The following EEF1AKMT4 variants were observed in gnomAD, a reference collection of about 807,000 sequenced individuals.
EEF1AKMT4 encodes EEF1A lysine methyltransferase 4.
A neutral mutation model predicts 23.0 loss-of-function variants in EEF1AKMT4; 17 were observed. The observed-to-expected ratio is 0.74, with a 90% confidence interval of 0.51 to 1.11. The LOEUF (loss-of-function observed/expected upper bound fraction) is 1.11, where lower values mean the gene tolerates loss of function less well. Among genes scored for constraint, EEF1AKMT4 ranks in the 50% least tolerant of loss-of-function variants. EEF1AKMT4 has a pLI of 0.00. For synonymous variants in EEF1AKMT4, 140 were observed against 141.4 expected, an observed-to-expected ratio of 0.99 and a Z score of 0.07; for missense variants, 318 against 333.4, an observed-to-expected ratio of 0.95 and a Z score of 0.36.
intron 1 of EEF1AKMT4, among the ~76,000 whole-genome samples, chr3:184,254,487 A>C (rs934176980): frequency 6.6e-6 from 1 of 151,136 alleles, no homozygotes; most frequent in Non-Finnish European, 1.5e-5. Context: ...GGCAGATCAC[A>C]AGGTCAGGAG....
intron 1 of EEF1AKMT4, among the ~76,000 whole-genome samples, chr3:184,251,617 C>T (rs940781730): frequency 1.3e-5 from 2 of 152,112 alleles, no homozygotes; most frequent in African/African-American, 2.4e-5. Context: ...GCAGGAGGAT[C>T]GTTTGAGCCA....
chr3:184,254,107 C>T (rs1372476360), intron 1 of EEF1AKMT4, among the ~76,000 whole-genome samples: 1 of 152,072 alleles, frequency 6.6e-6, no homozygotes, highest in Non-Finnish European at 1.5e-5. Flanking sequence ...GGCAGTTTAT[C>T]CAGGACTGTT....
intron 1 of EEF1AKMT4, among the ~76,000 whole-genome samples, chr3:184,252,946 CAAAAAAAAAAA>C (rs563455729): frequency 3.7e-4 from 17 of 45,402 alleles, no homozygotes; most frequent in Non-Finnish European, 6.3e-4. Context: ...AACTCCATCT[CAAAAAAAAAAA>C]AAAAAAAAAA....
intron 1 of EEF1AKMT4, among the ~76,000 whole-genome samples, chr3:184,255,253 T>G (rs930086290): frequency 2.6e-5 from 4 of 152,192 alleles, no homozygotes; most frequent in Admixed American, 1.3e-4. Flanking sequence ...CTGCCACCCT[T>G]ACCCCCATCC....
chr3:184,258,686 G>A lies in EEF1AKMT4; in HGVS notation c.*111G>A. 1 of 1,481,244 alleles carries A rather than the reference G, an allele frequency of 6.8e-7. No individual in the cohort carries two copies. Among genetic ancestry groups the A allele is most frequent in the Non-Finnish European group, 8.9e-7 (1 of 1,120,762 alleles). 91.8% of individuals were successfully genotyped at this position (1,481,244 alleles called of 1,614,324 possible). ...GGGTCCAAGGTGCTTACATCCCAGG[G>A]GCCTCATGCCTAAGATAGAGGGTGG... On this transcript the variant is annotated 3_prime_UTR_variant, in exon 3 of 3. Transcript: ENST00000324557.
At chr3:184,256,059 G>A (rs1167432278) in intron 1 of EEF1AKMT4, among the ~76,000 whole-genome samples, 1 of 152,052 alleles carries the variant, frequency 6.6e-6, no homozygotes, top group Non-Finnish European at 1.5e-5. Flanking sequence ...CAAGGCAGGT[G>A]GATCACCTGA....
At chr3:184,253,944 A>C (rs572610477) in intron 1 of EEF1AKMT4, among the ~76,000 whole-genome samples, 1 of 152,366 alleles carries the variant, frequency 6.6e-6, no homozygotes, top group Admixed American at 6.5e-5. Context: ...TGCTGGGATT[A>C]CAGACATGAG....
chr3:184,254,680 C>CAA (rs879609496), intron 1 of EEF1AKMT4, among the ~76,000 whole-genome samples: 6 of 124,178 alleles, frequency 4.8e-5, no homozygotes, highest in Non-Finnish European at 7.0e-5. Context: ...GACTCCGTCT[C>CAA]AAAAAAAAAA....
rs372516940 is a variant in EEF1AKMT4, at chr3:184,258,303, G to C, written c.496G>C (p.Val166Leu). ...TGCCTTGCAGGTGAGCCGCGTGCTT[G>C]TCCCTGGAGGCCGGTTTATCTCAAT... ...QVLSEVSRVL[V>L]PGGRFISMTS... Residue 166 changes from valine to leucine, a missense_variant, in exon 3 of 3, where the codon GTC becomes CTC. Coordinates refer to ENST00000324557, the MANE Select transcript of EEF1AKMT4 (RefSeq NM_032331.4). 1.9e-6 allele frequency: 3 copies of C among 1,611,948 alleles called. No homozygotes were observed. The African/African-American group carries it at 4.0e-5, about 22-fold the overall frequency.
chr3:184,249,984 C>T (rs903822899), intron 1 of EEF1AKMT4, 94 bp downstream of exon 1: 16 of 1,398,216 alleles, frequency 1.1e-5, no homozygotes, highest in Middle Eastern at 4.1e-4. Context: ...CCTGTCTATC[C>T]CTCTTGGAGG....
chr3:184,251,101 A>AAG (rs1553831030), intron 1 of EEF1AKMT4, among the ~76,000 whole-genome samples: 54 of 116,956 alleles, frequency 4.6e-4, no homozygotes, highest in African/African-American at 1.5e-3. Flanking sequence ...AAAAAAAAAA[A>AAG]AAAGAAAAGA....
intron 1 of EEF1AKMT4, among the ~76,000 whole-genome samples, chr3:184,256,827 C>T (rs905388796): frequency 4.6e-5 from 7 of 151,672 alleles, no homozygotes; most frequent in South Asian, 2.1e-4. Flanking sequence ...TGTGCCACCA[C>T]GCCTGGCTAA....
chr3:184,255,747 T>C (rs1459634006), intron 1 of EEF1AKMT4, among the ~76,000 whole-genome samples: 2 of 152,244 alleles, frequency 1.3e-5, no homozygotes, highest in African/African-American at 4.8e-5. Flanking sequence ...TGTTGGGAAG[T>C]TGTCAAGACT....
rs1312999382 is a variant in EEF1AKMT4 at position 184,258,343 on chromosome 3, C to T, written c.536C>T (p.Pro179Leu). ...TTTATCTCAATGACTTCTGCTGCCC[C>T]CCACTTTCGGACCAGACACTATGCC... ...GRFISMTSAA[P>L]HFRTRHYAQA... Residue 179 changes from proline (P) to leucine (L), a missense_variant, in exon 3 of 3, where the codon CCC becomes CTC. Coordinates refer to ENST00000324557, the MANE Select transcript of EEF1AKMT4 (RefSeq NM_032331.4). 1 of 1,613,660 alleles carries T rather than the reference C, an allele frequency of 6.2e-7. No individual in the cohort carries two copies. The highest frequency in any genetic ancestry group is 8.5e-7 in the Non-Finnish European group (1 of 1,179,826).
At chr3:184,252,232 G>A (rs76545776) in intron 1 of EEF1AKMT4, among the ~76,000 whole-genome samples, 1 of 152,028 alleles carries the variant, frequency 6.6e-6, no homozygotes, top group African/African-American at 2.4e-5. Context: ...TGCTTGACTG[G>A]TTTTTCACCA....
At chr3:184,252,312 T>C (rs1719595937) in intron 1 of EEF1AKMT4, among the ~76,000 whole-genome samples, 1 of 152,140 alleles carries the variant, frequency 6.6e-6, no homozygotes, top group African/African-American at 2.4e-5. Flanking sequence ...GCAAGAAGTC[T>C]AAAAATCAAA....
At chr3:184,253,224 C>G (rs1407338861) in intron 1 of EEF1AKMT4, among the ~76,000 whole-genome samples, 1 of 152,056 alleles carries the variant, frequency 6.6e-6, no homozygotes, top group Non-Finnish European at 1.5e-5. Flanking sequence ...CAGATGTACA[C>G]CATTAGAAGC....
chr3:184,258,551 C>A lies in EEF1AKMT4; in HGVS notation c.744C>A (p.Asp248Glu). The change falls in exon 3 of 3, where the codon GAC (aspartate) becomes GAA (glutamate). Residue 248 changes from aspartate (D) to glutamate (E), a missense_variant. By Grantham distance (45) the Asp-to-Glu change is conservative. Coordinates refer to ENST00000324557, the MANE Select transcript of EEF1AKMT4 (RefSeq NM_032331.4). ...PCFLQDSDHE[D>E]FLSAIQL ...TCCTTCAGGACTCAGATCATGAGGA[C>A]TTCCTTAGTGCCATTCAGCTCTGAG... is the stretch of plus-strand genomic sequence containing the variant. The A allele has an allele frequency of 1.2e-6, 2 of 1,600,116 alleles. No individual in the cohort carries two copies. The highest frequency in any genetic ancestry group is 1.7e-6 in the Non-Finnish European group (2 of 1,172,746).
intron 1 of EEF1AKMT4, among the ~76,000 whole-genome samples, chr3:184,256,421 A>G (rs183965740): frequency 6.6e-6 from 1 of 152,228 alleles, no homozygotes; most frequent in Admixed American, 6.5e-5. Flanking sequence ...AGGCCTTCCC[A>G]GGGTTGATAT....
Sources: allele counts gnomAD v4.1 joint callset (sites outside exome capture counted in the v4.1 genomes callset), GRCh38; gene constraint gnomAD v4.1.1; transcripts MANE v1.5; gene names NCBI Gene and HGNC (gene_info 2026-07-23, HGNC 2026-07-21).